MTSS1: variants seen among roughly 807,000 people sequenced by gnomAD.
MTSS1 encodes MTSS I-BAR domain containing 1, also known as protein MTSS 1.
A neutral mutation model predicts 79.0 loss-of-function variants in MTSS1; 18 were observed. That is an observed-to-expected ratio of 0.23 (90% confidence interval 0.16 to 0.34). MTSS1 has a LOEUF of 0.34. Among genes scored for constraint, MTSS1 ranks in the 10% least tolerant of loss-of-function variants. MTSS1 has a pLI of 1.00. For missense variants in MTSS1, 815 were observed against 986.2 expected, an observed-to-expected ratio of 0.83 and a Z score of 2.33; for synonymous variants, 341 against 368.6, an observed-to-expected ratio of 0.93 and a Z score of 0.86.
chr8:124,680,533 T>C (rs1797305831), intron 3 of MTSS1, among the ~76,000 whole-genome samples: 1 of 152,210 alleles, frequency 6.6e-6, no homozygotes, highest in South Asian at 2.1e-4. Context: ...ACAAAGGTTG[T>C]CTATGTGCCA....
intron 11 of MTSS1, among the ~76,000 whole-genome samples, chr8:124,557,257 G>A (rs148176173): frequency 6.6e-6 from 1 of 152,320 alleles, no homozygotes; most frequent in African/African-American, 2.4e-5. Context: ...AGGGAAAATG[G>A]GAAACATGGC....
At chr8:124,689,147 T>C (rs1055078686) in intron 3 of MTSS1, among the ~76,000 whole-genome samples, 1 of 152,190 alleles carries the variant, frequency 6.6e-6, no homozygotes, top group African/African-American at 2.4e-5. Flanking sequence ...TATTTTCTGG[T>C]AACAGCACTT....
At chr8:124,578,029 G>A (rs1219568161) in intron 6 of MTSS1, among the ~76,000 whole-genome samples, 1 of 152,150 alleles carries the variant, frequency 6.6e-6, no homozygotes, top group East Asian at 1.9e-4. Context: ...CTAGAGGAAA[G>A]GATTCACATT....
At chr8:124,719,115 C>T (rs1455519769) in intron 1 of MTSS1, among the ~76,000 whole-genome samples, 2 of 152,200 alleles carry the variant, frequency 1.3e-5, no homozygotes, top group Admixed American at 6.5e-5. Context: ...TGGAGAGGCA[C>T]ACAGACCCTG....
chr8:124,685,309 T>C (rs1031547594), intron 3 of MTSS1, among the ~76,000 whole-genome samples: 1 of 152,244 alleles, frequency 6.6e-6, no homozygotes, highest in Non-Finnish European at 1.5e-5. Flanking sequence ...TTTTATGTTA[T>C]ATGAATTTCA....
chr8:124,607,473 A>G (rs1380191960), intron 3 of MTSS1, among the ~76,000 whole-genome samples: 1 of 152,174 alleles, frequency 6.6e-6, no homozygotes, highest in Non-Finnish European at 1.5e-5. Flanking sequence ...ATCTAAACAG[A>G]GTTTTTAAAA....
At chr8:124,699,467 G>A (rs1829382557) in intron 3 of MTSS1, 59 bp downstream of exon 3, 2 of 1,487,676 alleles carry the variant, frequency 1.3e-6, no homozygotes, top group African/African-American at 2.8e-5. Flanking sequence ...AGCCACCCAA[G>A]GGGAAGAGTC....
At chr8:124,686,470 A>G (rs2135113874) in intron 3 of MTSS1, among the ~76,000 whole-genome samples, 1 of 152,320 alleles carries the variant, frequency 6.6e-6, no homozygotes, top group African/African-American at 2.4e-5. Flanking sequence ...TTTCAGATGA[A>G]ACAATGCATG....
chr8:124,641,077 T>C (rs1202480857), intron 3 of MTSS1, among the ~76,000 whole-genome samples: 15 of 146,194 alleles, frequency 1.0e-4, no homozygotes, highest in African/African-American at 2.8e-4. Context: ...AAAAAACAAG[T>C]CTGGGGGAAA....
At chr8:124,591,669 C>T (rs779444947) in intron 3 of MTSS1, among the ~76,000 whole-genome samples, 2 of 152,262 alleles carry the variant, frequency 1.3e-5, no homozygotes, top group East Asian at 1.9e-4. Flanking sequence ...AAAATAATCC[C>T]GTTAACATTA....
chr8:124,604,848 G>C (rs1834517632), intron 3 of MTSS1, among the ~76,000 whole-genome samples: 1 of 8,784 alleles, frequency 1.1e-4, no homozygotes, highest in South Asian at 7.7e-3. Flanking sequence ...TTTTCAAAAA[G>C]CAGAGGAAAC....
rs192622615 is a variant in MTSS1 at position 124,720,075 on chromosome 8, C to T, written c.72+7809G>A. ...ATGTGAAAAATGGCTTTAGGGTTAT[C>T]GAGCTTTGAGGGAAAAGGAGGCACC... On this transcript the variant is annotated intron_variant, in intron 1 of 13. Coordinates refer to ENST00000518547, the MANE Select transcript of MTSS1 (RefSeq NM_014751.6). Among the ~76,000 whole-genome samples the T allele has an allele frequency of 1.3e-3, 197 of 152,244 alleles. 1 individual carries two copies. Among genetic ancestry groups the T allele is most frequent in the Non-Finnish European group, 2.2e-3 (150 of 68,022 alleles).
chr8:124,703,251 G>A (rs1412014393), intron 2 of MTSS1, among the ~76,000 whole-genome samples: 1 of 152,044 alleles, frequency 6.6e-6, no homozygotes, highest in Non-Finnish European at 1.5e-5. Context: ...TCATGTAAAT[G>A]GAATTATACA....
chr8:124,622,054 AAGAGAAAG>A (rs1222250511), intron 3 of MTSS1, among the ~76,000 whole-genome samples: 1 of 101,098 alleles, frequency 9.9e-6, no homozygotes, highest in South Asian at 3.3e-4. Context: ...GAGAGACAGA[AAGAGAAAG>A]AGAGAGAGAG....
intron 1 of MTSS1, among the ~76,000 whole-genome samples, chr8:124,711,565 T>C (rs972042058): frequency 1.3e-5 from 2 of 152,120 alleles, no homozygotes; most frequent in Admixed American, 1.3e-4. Context: ...GGTCGCGCTT[T>C]ACATGTGGGT....
At chr8:124,716,923 A>T (rs1252659620) in intron 1 of MTSS1, among the ~76,000 whole-genome samples, 1 of 152,048 alleles carries the variant, frequency 6.6e-6, no homozygotes, top group African/African-American at 2.4e-5. Flanking sequence ...AAGGATAAAA[A>T]GTCCTTCGGG....
chr8:124,595,726 G>A (rs1832643269), intron 3 of MTSS1, among the ~76,000 whole-genome samples: 1 of 152,172 alleles, frequency 6.6e-6, no homozygotes, highest in African/African-American at 2.4e-5. Flanking sequence ...GGTTCTAGGG[G>A]TTAGAACGTG....
intron 3 of MTSS1, among the ~76,000 whole-genome samples, chr8:124,639,241 G>A (rs190941119): frequency 4.6e-5 from 7 of 152,056 alleles, no homozygotes; most frequent in Non-Finnish European, 8.8e-5. Flanking sequence ...GGGAGGCTGC[G>A]GCAGGAGAAT....
At chr8:124,626,373 G>A (rs78185050) in intron 3 of MTSS1, among the ~76,000 whole-genome samples, 3,932 of 152,196 alleles carry the variant, frequency 0.026, 184 homozygotes, top group East Asian at 0.14. Flanking sequence ...ATGGTGGCAC[G>A]CATCTGTAAT....
Sources: allele counts gnomAD v4.1 joint callset (sites outside exome capture counted in the v4.1 genomes callset), GRCh38; gene constraint gnomAD v4.1.1; transcripts MANE v1.5; gene names NCBI Gene and HGNC (gene_info 2026-07-23, HGNC 2026-07-21).